The following BCR variants were observed in gnomAD, a reference collection of about 807,000 sequenced individuals.
BCR encodes BCR activator of RhoGEF and GTPase.
A neutral mutation model predicts 138.6 loss-of-function variants in BCR; 58 were observed. The observed-to-expected ratio is 0.42, with a 90% CI of 0.34 to 0.52. The LOEUF is 0.52. Ranked by LOEUF, BCR falls within the 20% of genes least tolerant of loss-of-function variation. The probability of loss-of-function intolerance (pLI) is 0.06; values close to 1 mark genes in which losing one functional copy is unlikely to be tolerated. For synonymous variants in BCR, 786 were observed against 730.1 expected (o/e 1.08, Z -1.23); for missense variants, 1,599 against 1,727.2 (o/e 0.93, Z 1.32).
intron 1 of BCR, among the ~76,000 whole-genome samples, chr22:23,198,973 T>TA (rs1467918405): frequency 6.6e-6 from 1 of 151,912 alleles, no homozygotes; most frequent in Non-Finnish European, 1.5e-5. Context: ...TACACAAAAA[T>TA]TAGCTGGACG....
At position 23,181,331 on chromosome 22, in the gene BCR, G is replaced by C. The variant is rs2072254638; in HGVS notation, c.371G>C (p.Gly124Ala). The change falls in exon 1 of 23, where the codon GGT becomes GCT. Residue 124 changes from glycine to alanine, a missense_variant. This residue lies in a region of BCR where 806 missense variants were observed against 635.0 expected (regional missense o/e 1.27). Transcript: ENST00000305877. ...CGGCCCGACGGCGAGGGTTCTCCGG[G>C]TAAGGCCAGGCCCGGGACCGCCCGC... Reference protein sequence around the residue: ...EARPDGEGSPGKARPGTARRP... With the variant: ...EARPDGEGSPAKARPGTARRP... 2 of 1,434,346 alleles carry C rather than the reference G, an allele frequency of 1.4e-6. No individual in the cohort carries two copies. The highest frequency in any genetic ancestry group is 1.5e-5 in the African/African-American group (1 of 67,082). 88.9% of individuals were successfully genotyped at this position (1,434,346 alleles called of 1,614,324 possible).
rs1602009517 is a variant in BCR, at chr22:23,202,630, A to G, written c.1279+20391A>G. Among the ~76,000 whole-genome samples the G allele has an allele frequency of 5.9e-5, 9 of 151,836 alleles. No homozygotes were observed. In the South Asian group the frequency reaches 1.9e-3, roughly 32 times the overall value. ...ATCATGCAGTATTTGTCTTTTTGTG[A>G]CTTATTTCACATCATGTCCTCAAAG... On this transcript the variant is annotated intron_variant, in intron 1 of 22. Transcript: ENST00000305877.
chr22:23,214,676 G>T (rs1298878388), intron 1 of BCR, among the ~76,000 whole-genome samples: 1 of 152,220 alleles, frequency 6.6e-6, no homozygotes, highest in Non-Finnish European at 1.5e-5. Context: ...AGTTGGCTAG[G>T]CAGGGAACCT....
chr22:23,236,745 T>G lies in BCR; in HGVS notation c.1280-17054T>G, dbSNP rs527301194. The stretch of plus-strand genomic sequence containing the variant: ...TGCTCTCCTTGGCAGGTGCCTGCCC[T>G]GGAGGTAAAGAGGCTGGGACAGTAA... On this transcript the variant is annotated intron_variant, in intron 1 of 22. Transcript: ENST00000305877. Among the ~76,000 whole-genome samples the G allele has an allele frequency of 2.6e-5, 4 of 152,194 alleles. No individual in the cohort carries two copies. The South Asian group carries it at 8.3e-4, about 32-fold the overall frequency.
chr22:23,272,679 G>T (rs117494004), intron 6 of BCR, among the ~76,000 whole-genome samples: 3,468 of 152,238 alleles, frequency 0.023, 64 homozygotes, highest in Non-Finnish European at 0.027. Flanking sequence ...TCCTGGGATC[G>T]ATGGTAAGAG....
chr22:23,304,272 A>G (rs1182502287), intron 16 of BCR, among the ~76,000 whole-genome samples: 1 of 151,840 alleles, frequency 6.6e-6, no homozygotes, highest in Admixed American at 6.6e-5. Flanking sequence ...CCCAGACCCA[A>G]GCCGATCTGC....
intron 16 of BCR, among the ~76,000 whole-genome samples, chr22:23,303,914 C>T (rs2073929514): frequency 6.7e-6 from 1 of 148,584 alleles, no homozygotes; most frequent in African/African-American, 2.5e-5. Flanking sequence ...TTTCTATCAC[C>T]CCAATTTCCT....
intron 15 of BCR, among the ~76,000 whole-genome samples, chr22:23,293,956 G>T (rs1221629769): frequency 6.6e-6 from 1 of 152,252 alleles, no homozygotes; most frequent in Non-Finnish European, 1.5e-5. Flanking sequence ...ATGGAGGAGA[G>T]AGTTAACACC....
intron 8 of BCR, among the ~76,000 whole-genome samples, chr22:23,277,853 G>T (rs2073597030): frequency 6.6e-6 from 1 of 152,224 alleles, no homozygotes; most frequent in South Asian, 2.1e-4. Context: ...TGCATTCCAG[G>T]TAGCTCCCTG....
chr22:23,202,196 C>T (rs559868646), intron 1 of BCR, among the ~76,000 whole-genome samples: 116 of 152,206 alleles, frequency 7.6e-4, no homozygotes, highest in Non-Finnish European at 1.3e-3. Context: ...GAACTTCTCT[C>T]TCTTTTTTTA....
In BCR at chr22:23,298,885, A is replaced by G. The variant is rs553591560; in HGVS notation, c.3012+3730A>G. On this transcript the variant is annotated intron_variant, in intron 16 of 22. Coordinates refer to ENST00000305877, the MANE Select transcript of BCR (RefSeq NM_004327.4). ...AGTGCTGGGATTATAGGCGTGAGCT[A>G]CTGCACCCAGCCTCCTCACCTTTAA... Among the ~76,000 whole-genome samples the G allele has an allele frequency of 6.6e-5, 10 of 152,288 alleles. No homozygotes were observed. In the South Asian group the frequency reaches 1.0e-3, roughly 16 times the overall value.
intron 4 of BCR, among the ~76,000 whole-genome samples, chr22:23,267,941 G>A (rs1218796777): frequency 4.6e-5 from 7 of 152,222 alleles, no homozygotes; most frequent in Admixed American, 3.3e-4. Context: ...AAAGACGGCC[G>A]GACTTGGCAT....
intron 4 of BCR, chr22:23,263,742 T>C: frequency 7.0e-7 from 1 of 1,434,550 alleles, no homozygotes; most frequent in South Asian, 1.1e-5. Context: ...ACTGTGTGGA[T>C]TGCAAAGGGG....
At chr22:23,226,325 AGAGTGT>A (rs770301026) in intron 1 of BCR, among the ~76,000 whole-genome samples, 1,296 of 50,428 alleles carry the variant, frequency 0.026, 15 homozygotes, top group African/African-American at 0.061. Context: ...AGAGAGAGAG[AGAGTGT>A]GTGTGTGTGT....
At chr22:23,275,547 A>G (rs1301455205) in intron 8 of BCR, among the ~76,000 whole-genome samples, 8 of 152,202 alleles carry the variant, frequency 5.3e-5, no homozygotes, top group Non-Finnish European at 1.2e-4. Flanking sequence ...CCAGCTGCTC[A>G]TCCCATGGCT....
intron 16 of BCR, among the ~76,000 whole-genome samples, chr22:23,300,709 G>A (rs2073893755): frequency 1.3e-5 from 2 of 152,184 alleles, no homozygotes; most frequent in African/African-American, 4.8e-5. Flanking sequence ...CAGACCTGCT[G>A]GCTTGTACCT....
Position 23,300,142 on chromosome 22 carries a change from C to G in BCR, c.3012+4987C>G, listed in dbSNP as rs576907227. Among the ~76,000 whole-genome samples the G allele has an allele frequency of 4.3e-4, 66 of 152,240 alleles. No individual in the cohort carries two copies. The South Asian group carries it at 0.012, about 29-fold the overall frequency. On this transcript the variant is annotated intron_variant, in intron 16 of 22. Coordinates refer to ENST00000305877, the MANE Select transcript of BCR (RefSeq NM_004327.4). The stretch of plus-strand genomic sequence containing the variant: ...CTCCAGAACTTTTTTTTCATCCTCT[C>G]AAACTGAAACTCTACACCCATTAAA...
intron 1 of BCR, among the ~76,000 whole-genome samples, chr22:23,248,766 C>A (rs2073186318): frequency 6.6e-6 from 1 of 152,176 alleles, no homozygotes; most frequent in Non-Finnish European, 1.5e-5. Context: ...TCCATGCCCC[C>A]ACCTTCTACC....
chr22:23,289,762 C>A, intron 13 of BCR, 141 bp downstream of exon 13: 1 of 722,654 alleles, frequency 1.4e-6, no homozygotes, highest in Middle Eastern at 2.9e-4. Context: ...CTTGTTAGGG[C>A]CTCTTGTCTC....
Sources: allele counts gnomAD v4.1 joint callset (sites outside exome capture counted in the v4.1 genomes callset), GRCh38; gene constraint gnomAD v4.1.1; regional missense constraint gnomAD v4.1.1; transcripts MANE v1.5; gene names NCBI Gene and HGNC (gene_info 2026-07-23, HGNC 2026-07-21).